MATN2: variants seen among roughly 807,000 people sequenced by gnomAD.
MATN2 encodes the protein matrilin-2.
A neutral mutation model predicts 103.2 loss-of-function variants in MATN2; 69 were observed. The observed-to-expected ratio is 0.67, with a 90% confidence interval of 0.55 to 0.82. MATN2 has a LOEUF of 0.82. MATN2 is among the 40% of genes least tolerant of loss of function. The pLI is 0.00. For missense variants in MATN2, 1,023 were observed against 1,211.5 expected (o/e 0.84, Z 2.31); for synonymous variants, 429 against 450.2 (o/e 0.95, Z 0.60).
At chr8:97,898,914 AT>A (rs5893434) in intron 2 of MATN2, among the ~76,000 whole-genome samples, 81,740 of 150,288 alleles carry the variant, frequency 0.54, 23,786 homozygotes, top group Non-Finnish European at 0.64. Flanking sequence ...ATATCCAGCA[AT>A]TTTTTTTTTT....
intron 5 of MATN2, among the ~76,000 whole-genome samples, chr8:97,963,825 G>A (rs560168542): frequency 6.6e-6 from 1 of 152,250 alleles, no homozygotes; most frequent in East Asian, 1.9e-4. Flanking sequence ...CTAAGCACTC[G>A]ATCTGTTAGA....
At chr8:97,986,326 G>A (rs1341711019) in intron 6 of MATN2, among the ~76,000 whole-genome samples, 1 of 152,022 alleles carries the variant, frequency 6.6e-6, no homozygotes, top group Non-Finnish European at 1.5e-5. Flanking sequence ...AGGTTTTTGG[G>A]GAGCAGGTGG....
intron 4 of MATN2, among the ~76,000 whole-genome samples, chr8:97,955,694 T>TA (rs985692626): frequency 1.2e-4 from 18 of 152,084 alleles, no homozygotes; most frequent in African/African-American, 4.1e-4. Context: ...CACCAAGACT[T>TA]AGAGACATGG....
chr8:97,894,162 G>A lies in MATN2; in HGVS notation c.142+5920G>A, dbSNP rs765476653. Reference sequence around the variant, plus strand: ...AGTTGGCCCTGCAGTCTGGTCAGGGGATGGTAGGGCCTGAGCTCCCTCCCA... The same window carrying A: ...AGTTGGCCCTGCAGTCTGGTCAGGGAATGGTAGGGCCTGAGCTCCCTCCCA... On this transcript the variant is annotated intron_variant, in intron 2 of 18. Transcript: ENST00000254898. Among the ~76,000 whole-genome samples the A allele has an allele frequency of 9.9e-4, 150 of 152,020 alleles. 1 individual carries two copies. The highest frequency in any genetic ancestry group is 1.2e-3 in the South Asian group (6 of 4,816).
intron 17 of MATN2, 38 bp downstream of exon 17, chr8:98,033,214 T>C (rs201186205): frequency 6.9e-5 from 106 of 1,541,596 alleles, no homozygotes; most frequent in Non-Finnish European, 7.9e-5. Context: ...GATAACTTGA[T>C]CTCAGCCTTT....
chr8:97,959,577 T>C (rs1811242336), intron 4 of MATN2, among the ~76,000 whole-genome samples: 1 of 152,222 alleles, frequency 6.6e-6, no homozygotes, highest in African/African-American at 2.4e-5. Context: ...AGATATAAAC[T>C]TACTGGTGAG....
At chr8:97,882,544 T>A (rs1189332627) in intron 1 of MATN2, among the ~76,000 whole-genome samples, 1 of 151,704 alleles carries the variant, frequency 6.6e-6, no homozygotes, top group African/African-American at 2.4e-5. Context: ...TAAGTTTTCT[T>A]CCTTTGTGCC....
At chr8:97,956,572 G>C (rs11994234) in intron 4 of MATN2, among the ~76,000 whole-genome samples, 3,216 of 152,256 alleles carry the variant, frequency 0.021, 128 homozygotes, top group African/African-American at 0.073. Context: ...TGACACGGAG[G>C]AGGTGGTTAC....
At chr8:97,889,457 G>GTATATATATATATATA (rs1164752239) in intron 2 of MATN2, among the ~76,000 whole-genome samples, 3 of 15,676 alleles carry the variant, frequency 1.9e-4, no homozygotes, top group African/African-American at 6.5e-4. Flanking sequence ...CTCTCTCTCT[G>GTATATATATATATATA]TCTATATATA....
chr8:97,980,204 C>T (rs187043495), intron 6 of MATN2, among the ~76,000 whole-genome samples: 2 of 152,296 alleles, frequency 1.3e-5, no homozygotes, highest in African/African-American at 4.8e-5. Flanking sequence ...ACTGTAGTCT[C>T]CATGCCCCGT....
At chr8:97,990,529 G>A (rs1812359216) in intron 6 of MATN2, among the ~76,000 whole-genome samples, 1 of 152,226 alleles carries the variant, frequency 6.6e-6, no homozygotes, top group Non-Finnish European at 1.5e-5. Context: ...AGTGTTCATA[G>A]CTGCTTTATT....
At chr8:97,890,976 A>G (rs1818607658) in intron 2 of MATN2, among the ~76,000 whole-genome samples, 1 of 152,242 alleles carries the variant, frequency 6.6e-6, no homozygotes, top group Admixed American at 6.5e-5. Context: ...TAACGCATGT[A>G]TATATCCACC....
intron 15 of MATN2, 38 bp downstream of exon 15, chr8:98,030,652 C>T: frequency 6.3e-7 from 1 of 1,586,788 alleles, no homozygotes; most frequent in Non-Finnish European, 8.6e-7. Context: ...GCAAACAAGG[C>T]AGCATGAACT....
At chr8:97,904,199 C>G (rs1819086735) in intron 2 of MATN2, among the ~76,000 whole-genome samples, 2 of 152,148 alleles carry the variant, frequency 1.3e-5, no homozygotes, top group South Asian at 2.1e-4. Context: ...AAAGAGCTGG[C>G]AAATTTGTTC....
intron 2 of MATN2, among the ~76,000 whole-genome samples, chr8:97,899,362 T>C (rs1030432721): frequency 2.0e-5 from 3 of 152,186 alleles, no homozygotes; most frequent in South Asian, 4.1e-4. Flanking sequence ...AATAAATATA[T>C]ATATGTTCTA....
chr8:98,025,890 G>C (rs1055179757), intron 13 of MATN2, among the ~76,000 whole-genome samples: 1 of 151,946 alleles, frequency 6.6e-6, no homozygotes, highest in Non-Finnish European at 1.5e-5. Flanking sequence ...ATTAATAGTT[G>C]CCTGAGACCA....
At chr8:98,031,994 G>A (rs562237511) in intron 15 of MATN2, 6 of 298,056 alleles carry the variant, frequency 2.0e-5, no homozygotes, top group Non-Finnish European at 2.5e-5. Flanking sequence ...TTCTAGACAT[G>A]ACATTTTTGG....
chr8:97,955,246 G>A (rs1811106142), intron 4 of MATN2, among the ~76,000 whole-genome samples: 1 of 152,170 alleles, frequency 6.6e-6, no homozygotes, highest in Non-Finnish European at 1.5e-5. Context: ...GCAGAAGAGA[G>A]GCAGGAGCAG....
chr8:98,005,767 G>T lies in MATN2; in HGVS notation c.1328-1338G>T. ...ATAAACTCCCTGCATCCTCACAGCC[G>T]CCCTACTGGGCACCCACATTCTTGT... On this transcript the variant is annotated intron_variant, in intron 8 of 18. Transcript: ENST00000254898. This position sits in a 1 kb window ranked among gnomAD's most constrained non-coding sequence, Gnocchi z 4.6. Among the ~76,000 whole-genome samples the T allele has an allele frequency of 6.6e-6, 1 of 152,154 alleles. No homozygotes were observed. The highest frequency in any genetic ancestry group is 1.9e-4 in the East Asian group (1 of 5,200).
Sources: allele counts gnomAD v4.1 joint callset (sites outside exome capture counted in the v4.1 genomes callset), GRCh38; gene constraint gnomAD v4.1.1; non-coding constraint Gnocchi (gnomAD v3.1); transcripts MANE v1.5; gene names NCBI Gene and HGNC (gene_info 2026-07-23, HGNC 2026-07-21).